The following RRN3 variants were observed in gnomAD, a reference collection of about 807,000 sequenced individuals.
RRN3 encodes the protein RNA polymerase I transcription factor RRN3.
RRN3 carries 38 observed loss-of-function variants against 82.3 expected under a neutral mutation model. That is an observed-to-expected ratio of 0.46 (90% CI 0.36 to 0.61). The LOEUF is 0.61. Among genes scored for constraint, RRN3 ranks in the 20% least tolerant of loss-of-function variants. The pLI is 0.00. For missense variants in RRN3, 726 were observed against 793.1 expected, an observed-to-expected ratio of 0.92 and a Z score of 1.02; for synonymous variants, 284 against 284.3, an observed-to-expected ratio of 1.00 and a Z score of 0.01.
chr16:15,087,707 G>A (rs1377469425), intron 3 of RRN3, among the ~76,000 whole-genome samples: 1 of 152,124 alleles, frequency 6.6e-6, no homozygotes, highest in Admixed American at 6.5e-5. Context: ...AAGGCCAAAG[G>A]CATGTAGAAA....
rs535992234 is a variant in RRN3 at position 15,071,296 on chromosome 16, G to C, written c.1129-45C>G. On this transcript the variant is annotated intron_variant, in intron 12 of 17. Transcript: ENST00000198767. ...CGGTGTGATCTTTTTTAATGCCTAA[G>C]ATAATCTGGCTATCAAAATCCCAAG... The C allele has an allele frequency of 1.8e-5, 28 of 1,536,264 alleles. No individual in the cohort carries two copies. The Admixed American group carries it at 4.4e-4, about 24-fold the overall frequency.
Position 15,071,394 on chromosome 16 carries a change from C to T in RRN3, c.1129-143G>A, listed in dbSNP as rs2045221615. On this transcript the variant is annotated intron_variant, in intron 12 of 17. Coordinates refer to ENST00000198767, the MANE Select transcript of RRN3 (RefSeq NM_018427.5). ...TCTCATGGGCTTCATTTTTAAAACA[C>T]ATTGAGAGAATATCATTAAAAACAA... 5 of 799,438 alleles carry T rather than the reference C, an allele frequency of 6.3e-6. No individual in the cohort carries two copies. The East Asian group carries it at 1.3e-4, about 21-fold the overall frequency. The allele number at this position is 799,438 out of a possible 1,614,324, so 49.5% of individuals were successfully genotyped here. A position where few individuals can be genotyped will look rare whatever the true frequency, so the allele number is the denominator to read the frequency against.
chr16:15,084,676 T>C lies in RRN3; in HGVS notation c.562A>G (p.Arg188Gly), dbSNP rs1166879027. The C allele has an allele frequency of 1.2e-6, 2 of 1,613,110 alleles. No homozygotes were observed. The highest frequency in any genetic ancestry group is 1.7e-6 in the Non-Finnish European group (2 of 1,179,080). ...TATCTTGCTATTATTTGCAAGGCTCTGTGACATGTGTCAAAATTTGCAGGA... is the reference window on the plus strand; with the variant it reads ...TATCTTGCTATTATTTGCAAGGCTCCGTGACATGTGTCAAAATTTGCAGGA... ...NLPANFDTCHRALQIIARYVP... is the reference protein window; with the variant it reads ...NLPANFDTCHGALQIIARYVP... The change falls in exon 7 of 18, where the codon AGA becomes GGA. Residue 188 changes from arginine (R) to glycine (G), a missense_variant. By Grantham distance (125) the Arg-to-Gly change is moderately radical. This residue lies in a region of RRN3 where 344 missense variants were observed against 394.5 expected (regional missense o/e 0.87). Coordinates refer to ENST00000198767, the MANE Select transcript of RRN3 (RefSeq NM_018427.5).
Position 15,060,442 on chromosome 16 carries a change from A to G in RRN3, c.*1302T>C, listed in dbSNP as rs2044670665. ...TCAATGTAATTATACAAGTGCATAC[A>G]AAGCCCTGGAAAAGAGGAAGTATTT... On this transcript the variant is annotated 3_prime_UTR_variant, in exon 18 of 18. Coordinates refer to ENST00000198767, the MANE Select transcript of RRN3 (RefSeq NM_018427.5). 1.3e-5 allele frequency: 2 copies of G among 155,360 alleles called. No individual in the cohort carries two copies. The highest frequency in any genetic ancestry group is 2.4e-5 in the African/African-American group (1 of 41,508). The allele number at this position is 155,360 out of a possible 1,614,324, so 9.6% of individuals were successfully genotyped here.
intron 8 of RRN3, among the ~76,000 whole-genome samples, chr16:15,083,167 G>A (rs1201025898): frequency 1.3e-5 from 2 of 152,172 alleles, no homozygotes; most frequent in East Asian, 3.8e-4. Flanking sequence ...TTGGGAGGCC[G>A]AGGCAGGCAG....
chr16:15,088,969 C>T (rs1412518715), intron 3 of RRN3, among the ~76,000 whole-genome samples: 2 of 151,944 alleles, frequency 1.3e-5, no homozygotes, highest in African/African-American at 2.4e-5. Flanking sequence ...TTTGGAGCAT[C>T]TATGATGATT....
chr16:15,073,435 T>C (rs2045322783), intron 11 of RRN3, among the ~76,000 whole-genome samples: 1 of 152,164 alleles, frequency 6.6e-6, no homozygotes, highest in African/African-American at 2.4e-5. Flanking sequence ...CCAGCCTGGG[T>C]TAGAGTAAGA....
chr16:15,066,608 G>C (rs188688600), intron 15 of RRN3, among the ~76,000 whole-genome samples: 124 of 151,356 alleles, frequency 8.2e-4, no homozygotes, highest in Non-Finnish European at 1.2e-3. Flanking sequence ...ACTCCAGCCT[G>C]GGTGACAGAG....
intron 11 of RRN3, 75 bp downstream of exon 11, chr16:15,074,648 T>C: frequency 9.2e-7 from 1 of 1,090,992 alleles, no homozygotes; most frequent in South Asian, 1.6e-5. Context: ...TTACTAGAGA[T>C]AATGGATGGA....
rs1293281496 is a variant in RRN3 at position 15,060,147 on chromosome 16, ATATGTAAATGTCT to A, written c.*1584_*1596del. ...AACTCCTTTGAAATTAAACAGACTT[ATATGTAAATGTCT>A]TTCTACATTAAAACTACTTCCCAAC... On this transcript the variant is annotated 3_prime_UTR_variant, in exon 18 of 18. Transcript: ENST00000198767. 9.0e-5 allele frequency: 37 copies of A among 411,198 alleles called. No homozygotes were observed. Among genetic ancestry groups the A allele is most frequent in the Non-Finnish European group, 1.6e-4 (34 of 208,420 alleles). 25.5% of individuals were successfully genotyped at this position (411,198 alleles called of 1,614,324 possible). A position where few individuals can be genotyped will look rare whatever the true frequency, so the allele number is the denominator to read the frequency against.
chr16:15,086,724 G>A (rs2045928800), intron 3 of RRN3, among the ~76,000 whole-genome samples: 1 of 152,142 alleles, frequency 6.6e-6, no homozygotes. Flanking sequence ...CCCTGAAAAA[G>A]CGAAATCACC....
intron 16 of RRN3, among the ~76,000 whole-genome samples, chr16:15,064,004 T>C (rs545659714): frequency 6.0e-4 from 91 of 152,306 alleles, no homozygotes; most frequent in Admixed American, 1.4e-3. Context: ...ACTAATCTGG[T>C]TTCAGTCAAC....
chr16:15,067,279 G>A (rs1255798386), intron 15 of RRN3, among the ~76,000 whole-genome samples: 12 of 150,136 alleles, frequency 8.0e-5, no homozygotes, highest in African/African-American at 1.2e-4. Flanking sequence ...TCTCCAATTC[G>A]CTTTCTCCAT....
intron 11 of RRN3, among the ~76,000 whole-genome samples, chr16:15,073,358 G>C (rs1349651737): frequency 6.6e-6 from 1 of 152,196 alleles, no homozygotes; most frequent in Admixed American, 6.5e-5. Context: ...ATGGGAGGCT[G>C]AGGCGGATGA....
chr16:15,070,358 C>G, intron 13 of RRN3, 104 bp from the exon 14 acceptor site: 1 of 790,114 alleles, frequency 1.3e-6, no homozygotes, highest in Non-Finnish European at 2.0e-6. Context: ...TAAGTAAGTT[C>G]ATAGGTTTCT....
chr16:15,070,404 G>C, intron 13 of RRN3, 150 bp from the exon 14 acceptor site: 1 of 616,714 alleles, frequency 1.6e-6, no homozygotes, highest in Middle Eastern at 4.6e-4. Context: ...GAAAAGCAAA[G>C]AAAGGAAGGA....
intron 11 of RRN3, 56 bp from the exon 12 acceptor site, chr16:15,073,136 C>G: frequency 6.4e-7 from 1 of 1,572,680 alleles, no homozygotes; most frequent in Non-Finnish European, 8.7e-7. Flanking sequence ...CAAGTTTCAT[C>G]TGCCATATTT....
chr16:15,087,631 C>T lies in RRN3; in HGVS notation c.253-1177G>A, dbSNP rs951838221. On this transcript the variant is annotated intron_variant, in intron 3 of 17. Coordinates refer to ENST00000198767, the MANE Select transcript of RRN3 (RefSeq NM_018427.5). ...GCAGTAAAATAAAGTAAAACCACAA[C>T]TCATTTGTACTATGGTAATTTCATA... Among the ~76,000 whole-genome samples the T allele has an allele frequency of 3.3e-5, 5 of 152,234 alleles. No individual in the cohort carries two copies. In the East Asian group the frequency reaches 9.6e-4, roughly 29 times the overall value.
At chr16:15,064,519 G>A (rs934623871) in intron 16 of RRN3, among the ~76,000 whole-genome samples, 1 of 152,244 alleles carries the variant, frequency 6.6e-6, no homozygotes, top group African/African-American at 2.4e-5. Context: ...ATGGTATGTG[G>A]TCTCTAGAGG....
Sources: gnomAD v4.1 joint callset for allele counts (sites outside exome capture counted in the v4.1 genomes callset) on GRCh38, gnomAD v4.1.1 for gene constraint, gnomAD v4.1.1 regional missense constraint, MANE v1.5 for transcripts, NCBI Gene and HGNC (gene_info 2026-07-23, HGNC 2026-07-21) for gene names.